Variants in PPARGC1B observed in about 807,000 individuals in gnomAD.
The protein encoded by PPARGC1B is peroxisome proliferator-activated receptor gamma coactivator 1-beta.
Under a neutral mutation model 101.6 loss-of-function variants are expected in PPARGC1B, and 34 were observed. That is an observed-to-expected ratio of 0.33 (90% confidence interval 0.25 to 0.45). The LOEUF (loss-of-function observed/expected upper bound fraction) is 0.45, where lower values mean the gene tolerates loss of function less well. Among genes scored for constraint, PPARGC1B ranks in the 20% least tolerant of loss-of-function variants. The probability of loss-of-function intolerance (pLI) is 1.00; values close to 1 mark genes in which losing one functional copy is unlikely to be tolerated. For synonymous variants in PPARGC1B, 548 were observed against 539.3 expected (o/e 1.02, Z -0.22); for missense variants, 1,234 against 1,317.6 (o/e 0.94, Z 0.98).
chr5:149,787,875 A>G (rs1756870347), intron 1 of PPARGC1B, among the ~76,000 whole-genome samples: 1 of 152,226 alleles, frequency 6.6e-6, no homozygotes, highest in Non-Finnish European at 1.5e-5. Flanking sequence ...TCAATTGGTA[A>G]TGACTGTCAA....
At chr5:149,844,589 G>C (rs1356286116) in intron 10 of PPARGC1B, among the ~76,000 whole-genome samples, 1 of 152,182 alleles carries the variant, frequency 6.6e-6, no homozygotes, top group Non-Finnish European at 1.5e-5. Flanking sequence ...CAGTGAGCTG[G>C]GATTGCGACC....
intron 1 of PPARGC1B, among the ~76,000 whole-genome samples, chr5:149,781,158 T>C (rs574705530): frequency 5.9e-5 from 9 of 151,574 alleles, no homozygotes; most frequent in African/African-American, 2.2e-4. Context: ...TGAGCCGAGA[T>C]TGTGCCACTG....
intron 1 of PPARGC1B, among the ~76,000 whole-genome samples, chr5:149,747,951 G>A (rs1755148539): frequency 6.6e-6 from 1 of 152,146 alleles, no homozygotes; most frequent in Admixed American, 6.5e-5. Context: ...GGAGAGCAGG[G>A]TGGGGTTGAG....
intron 1 of PPARGC1B, among the ~76,000 whole-genome samples, chr5:149,770,279 A>G (rs1156324279): frequency 6.6e-6 from 1 of 152,200 alleles, no homozygotes; most frequent in Non-Finnish European, 1.5e-5. Context: ...CTGGCTGTCA[A>G]ATTCTATTCA....
At chr5:149,818,470 C>G (rs576885697) in intron 1 of PPARGC1B, among the ~76,000 whole-genome samples, 1 of 152,104 alleles carries the variant, frequency 6.6e-6, no homozygotes, top group African/African-American at 2.4e-5. Context: ...GGGGACCGGC[C>G]GCTTGAGAGG....
At chr5:149,779,268 G>T (rs1327797761) in intron 1 of PPARGC1B, among the ~76,000 whole-genome samples, 1 of 152,204 alleles carries the variant, frequency 6.6e-6, no homozygotes, top group African/African-American at 2.4e-5. Context: ...GATGAGGCTT[G>T]TTAGAGTTCA....
rs111657010 is a variant in PPARGC1B, at chr5:149,801,959, A to G, written c.79-18474A>G. Reference sequence around the variant, plus strand: ...TGTGAAGCCCTTCTCGTTAATCCTCATAAGAACCCTAAGCAGGTGGGTGTA... The same window carrying G: ...TGTGAAGCCCTTCTCGTTAATCCTCGTAAGAACCCTAAGCAGGTGGGTGTA... On this transcript the variant is annotated intron_variant, in intron 1 of 11. Coordinates refer to ENST00000309241, the MANE Select transcript of PPARGC1B (RefSeq NM_133263.4). Among the ~76,000 whole-genome samples, 708 of 152,274 alleles carry G rather than the reference A, an allele frequency of 4.6e-3. 7 individuals carry two copies. Among genetic ancestry groups the G allele is most frequent in the African/African-American group, 0.016 (657 of 41,550 alleles).
At chr5:149,759,424 A>G (rs1187929564) in intron 1 of PPARGC1B, among the ~76,000 whole-genome samples, 1 of 152,162 alleles carries the variant, frequency 6.6e-6, no homozygotes, top group African/African-American at 2.4e-5. Flanking sequence ...AGGGGTGAAC[A>G]AGCAGAGGGG....
chr5:149,823,150 G>A (rs1758369320), intron 2 of PPARGC1B, among the ~76,000 whole-genome samples: 1 of 152,152 alleles, frequency 6.6e-6, no homozygotes, highest in South Asian at 2.1e-4. Flanking sequence ...CTAGAGTAAG[G>A]CAGGTATTTT....
intron 1 of PPARGC1B, among the ~76,000 whole-genome samples, chr5:149,802,323 G>A (rs993294827): frequency 6.6e-6 from 1 of 152,202 alleles, no homozygotes; most frequent in Non-Finnish European, 1.5e-5. Flanking sequence ...AATTTGCGAC[G>A]TGAGCTGAAC....
chr5:149,748,295 A>C (rs78808922), intron 1 of PPARGC1B, among the ~76,000 whole-genome samples: 1 of 134,580 alleles, frequency 7.4e-6, no homozygotes, highest in Non-Finnish European at 1.6e-5. Flanking sequence ...AGAGATATAG[A>C]TATAGATATA....
intron 1 of PPARGC1B, among the ~76,000 whole-genome samples, chr5:149,738,232 C>T (rs989172437): frequency 2.0e-4 from 30 of 151,852 alleles, no homozygotes; most frequent in African/African-American, 6.0e-4. Flanking sequence ...TGGAATATAA[C>T]AGACATTTAA....
rs761912489 is a variant in PPARGC1B, at chr5:149,840,078, A to T, written c.2656A>T (p.Ser886Cys). 1 of 1,613,924 alleles carries T rather than the reference A, an allele frequency of 6.2e-7. No individual in the cohort carries two copies. The highest frequency in any genetic ancestry group is 1.3e-5 in the African/African-American group (1 of 74,936). ...AGGGCCGTGTTCAGACAGAACGCCA[A>T]GCATCCGGCACGCCAGGAAGCGGCG... The part of the protein sequence containing the change: ...SRGPCSDRTP[S>C]IRHARKRREK... The change falls in exon 9 of 12, where the codon AGC becomes TGC. Residue 886 changes from serine to cysteine, a missense_variant. This residue lies in a region of PPARGC1B where 497 missense variants were observed against 529.5 expected (regional missense o/e 0.94). Transcript: ENST00000309241.
chr5:149,780,990 G>A (rs973209413), intron 1 of PPARGC1B, among the ~76,000 whole-genome samples: 1 of 152,208 alleles, frequency 6.6e-6, no homozygotes, highest in Non-Finnish European at 1.5e-5. Context: ...AATCGCCTGA[G>A]GTCAGGAGTT....
At chr5:149,748,668 A>G (rs1360184157) in intron 1 of PPARGC1B, among the ~76,000 whole-genome samples, 1 of 152,202 alleles carries the variant, frequency 6.6e-6, no homozygotes, top group Non-Finnish European at 1.5e-5. Context: ...GGGGCCTCCT[A>G]GCCAGGGACC....
At position 149,842,266 on chromosome 5, in the gene PPARGC1B, G is replaced by A. The variant is rs769718317; in HGVS notation, c.2705G>A (p.Arg902His). The change falls in exon 10 of 12, where the codon CGC becomes CAC. Residue 902 changes from arginine to histidine, a missense_variant. Transcript: ENST00000309241. Reference protein sequence around the residue: ...KRREKAIGEGRVVYIQNLSSD... With the variant: ...KRREKAIGEGHVVYIQNLSSD... ...CTCCTTCTTGGGCAGGGGGAAGGCC[G>A]CGTGGTGTACATTCAAAATCTCTCC... 1.8e-5 allele frequency: 29 copies of A among 1,613,450 alleles called. No homozygotes were observed. The highest frequency in any genetic ancestry group is 8.3e-5 in the Admixed American group (5 of 60,006).
chr5:149,761,029 A>G (rs1755698186), intron 1 of PPARGC1B, among the ~76,000 whole-genome samples: 1 of 152,164 alleles, frequency 6.6e-6, no homozygotes, highest in African/African-American at 2.4e-5. Flanking sequence ...GCCCCTTCCC[A>G]CACTCCATAG....
intron 1 of PPARGC1B, among the ~76,000 whole-genome samples, chr5:149,763,211 G>A (rs892643677): frequency 6.6e-6 from 1 of 152,204 alleles, no homozygotes; most frequent in African/African-American, 2.4e-5. Flanking sequence ...GGTCCTGCAG[G>A]TCTCATTCTG....
intron 1 of PPARGC1B, among the ~76,000 whole-genome samples, chr5:149,746,941 T>C (rs903459799): frequency 6.6e-6 from 1 of 152,196 alleles, no homozygotes; most frequent in Non-Finnish European, 1.5e-5. Flanking sequence ...ATTTTAAAAT[T>C]GGGTTGTTTG....
Sources: allele counts gnomAD v4.1 joint callset (sites outside exome capture counted in the v4.1 genomes callset), GRCh38; gene constraint gnomAD v4.1.1; regional missense constraint gnomAD v4.1.1; transcripts MANE v1.5; gene names NCBI Gene and HGNC (gene_info 2026-07-23, HGNC 2026-07-21).